The following TGFB2 variants were observed in gnomAD, a reference collection of about 807,000 sequenced individuals.
TGFB2 encodes transforming growth factor beta 2.
Under a neutral mutation model 42.7 loss-of-function variants are expected in TGFB2, and 13 were observed. The observed-to-expected ratio is 0.30, with a 90% CI of 0.20 to 0.48. The LOEUF is 0.48. Ranked by LOEUF, TGFB2 falls within the 20% of genes least tolerant of loss-of-function variation. The pLI is 0.99. For missense variants in TGFB2, 390 were observed against 517.5 expected (o/e 0.75, Z 2.39); for synonymous variants, 193 against 193.6 (o/e 1.00, Z 0.03).
chr1:218,436,627 A>G (rs573859331), intron 5 of TGFB2, among the ~76,000 whole-genome samples: 5 of 152,334 alleles, frequency 3.3e-5, no homozygotes, highest in African/African-American at 9.6e-5. Context: ...GAGAAGCAAG[A>G]AGAATTTATT....
intron 2 of TGFB2, among the ~76,000 whole-genome samples, chr1:218,407,913 G>C (rs908142623): frequency 6.6e-6 from 1 of 151,918 alleles, no homozygotes; most frequent in Non-Finnish European, 1.5e-5. Flanking sequence ...AGCAAAAACT[G>C]GTTCCTATGA....
chr1:218,396,900 G>A (rs1257727572), intron 1 of TGFB2, among the ~76,000 whole-genome samples: 2 of 152,188 alleles, frequency 1.3e-5, no homozygotes, highest in Non-Finnish European at 2.9e-5. Context: ...TATTTTTCCA[G>A]TTTAAGAGCT....
chr1:218,371,827 GC>G (rs1657581891), intron 1 of TGFB2, among the ~76,000 whole-genome samples: 3 of 152,196 alleles, frequency 2.0e-5, no homozygotes, highest in African/African-American at 7.2e-5. Context: ...CGAGTTCCAT[GC>G]CATCTTAAAC....
At chr1:218,404,989 T>C (rs1312980814) in intron 1 of TGFB2, among the ~76,000 whole-genome samples, 180 bp from the exon 2 acceptor site, 1 of 152,256 alleles carries the variant, frequency 6.6e-6, no homozygotes, top group Non-Finnish European at 1.5e-5. Context: ...TGTAACTAAA[T>C]GCACATGTTT....
intron 1 of TGFB2, among the ~76,000 whole-genome samples, chr1:218,373,709 A>G (rs1404795626): frequency 6.6e-6 from 1 of 152,166 alleles, no homozygotes; most frequent in African/African-American, 2.4e-5. Flanking sequence ...ATTAATTTCC[A>G]TTTAAATAAG....
At position 218,356,244 on chromosome 1, in the gene TGFB2, G is replaced by A. The variant is rs6680000; in HGVS notation, c.346+9197G>A. 8.4e-3 allele frequency among the ~76,000 whole-genome samples: 1,271 copies of A among 151,352 alleles called. 18 individuals are homozygous for A. The highest frequency in any genetic ancestry group is 0.028 in the African/African-American group (1,173 of 41,234). Reference sequence around the variant, plus strand: ...GGGGAATTTTTTTTTTTTCGAGACAGTCTCACTCTGTTGCCCAGGCTGGAG... The same window carrying A: ...GGGGAATTTTTTTTTTTTCGAGACAATCTCACTCTGTTGCCCAGGCTGGAG... On this transcript the variant is annotated intron_variant, in intron 1 of 6. Transcript: ENST00000366930.
intron 1 of TGFB2, among the ~76,000 whole-genome samples, chr1:218,376,991 T>A (rs1203299597): frequency 6.6e-6 from 1 of 152,094 alleles, no homozygotes. Context: ...CCTCCTGGGC[T>A]CAAGTGACTC....
chr1:218,388,334 C>G (rs540083986), intron 1 of TGFB2, among the ~76,000 whole-genome samples: 1 of 151,998 alleles, frequency 6.6e-6, no homozygotes, highest in Non-Finnish European at 1.5e-5. Context: ...TTGGCCCCCC[C>G]ACATCCAGAG....
At chr1:218,354,086 T>C (rs1656955236) in intron 1 of TGFB2, among the ~76,000 whole-genome samples, 1 of 152,208 alleles carries the variant, frequency 6.6e-6, no homozygotes, top group African/African-American at 2.4e-5. Context: ...GTCTTCTTCA[T>C]TGGTTTGTAG....
At chr1:218,422,557 A>G (rs533491317) in intron 2 of TGFB2, among the ~76,000 whole-genome samples, 1 of 151,982 alleles carries the variant, frequency 6.6e-6, no homozygotes, top group East Asian at 1.9e-4. Flanking sequence ...CATCCCTATT[A>G]CCTGGACTGT....
intron 2 of TGFB2, among the ~76,000 whole-genome samples, chr1:218,428,966 G>A (rs1172878395): frequency 1.4e-5 from 2 of 144,788 alleles, no homozygotes; most frequent in Middle Eastern, 3.3e-3. Flanking sequence ...CCCTATCCAT[G>A]AGCATCTTTT....
chr1:218,407,783 C>T (rs556522734), intron 2 of TGFB2, among the ~76,000 whole-genome samples: 2 of 152,262 alleles, frequency 1.3e-5, no homozygotes, highest in South Asian at 2.1e-4. Context: ...CCTCCTGCCC[C>T]TCACCACATA....
At chr1:218,428,530 A>C (rs1659699460) in intron 2 of TGFB2, among the ~76,000 whole-genome samples, 1 of 151,876 alleles carries the variant, frequency 6.6e-6, no homozygotes, top group South Asian at 2.1e-4. Flanking sequence ...TAAGGAAGGG[A>C]TCCAATTTCA....
intron 1 of TGFB2, among the ~76,000 whole-genome samples, chr1:218,375,451 C>A (rs74143053): frequency 0.029 from 3,788 of 130,032 alleles, 162 homozygotes; most frequent in African/African-American, 0.096. Flanking sequence ...AAAAAAAAAA[C>A]CCAACATTAT....
At chr1:218,415,924 C>G (rs547756373) in intron 2 of TGFB2, among the ~76,000 whole-genome samples, 2 of 151,984 alleles carry the variant, frequency 1.3e-5, no homozygotes, top group Admixed American at 1.3e-4. Flanking sequence ...TTCTTGTCAT[C>G]TTGAACATGG....
chr1:218,414,279 C>A (rs1386047092), intron 2 of TGFB2, among the ~76,000 whole-genome samples: 4 of 151,970 alleles, frequency 2.6e-5, no homozygotes, highest in Non-Finnish European at 2.9e-5. Context: ...GCTTTCATTT[C>A]TCATATTGCC....
intron 1 of TGFB2, chr1:218,363,281 C>A: frequency 7.1e-7 from 1 of 1,416,856 alleles, no homozygotes; most frequent in Non-Finnish European, 1.0e-6. Flanking sequence ...TAGTTCTGTG[C>A]CAGGCATCTC....
At chr1:218,437,272 A>AGGT in intron 5 of TGFB2, 71 bp from the exon 6 acceptor site, 11 of 1,395,256 alleles carry the variant, frequency 7.9e-6, no homozygotes, top group Non-Finnish European at 9.6e-7. Context: ...GTTTGGGGTG[A>AGGT]GGTGGTGGTA....
chr1:218,391,780 A>G (rs1445832723), intron 1 of TGFB2, among the ~76,000 whole-genome samples: 1 of 152,264 alleles, frequency 6.6e-6, no homozygotes, highest in African/African-American at 2.4e-5. Flanking sequence ...CAAAGAATGT[A>G]TGATGTGAGT....
Sources: gnomAD v4.1 joint callset for allele counts (sites outside exome capture counted in the v4.1 genomes callset) on GRCh38, gnomAD v4.1.1 for gene constraint, MANE v1.5 for transcripts, NCBI Gene and HGNC (gene_info 2026-07-23, HGNC 2026-07-21) for gene names.